COMMD1: variants seen among roughly 807,000 people sequenced by gnomAD.
COMMD1 encodes the protein copper metabolism domain containing 1.
In COMMD1, 10 loss-of-function variants were observed where a neutral mutation model predicts 17.2. That is an observed-to-expected ratio of 0.58 (90% CI 0.36 to 0.99). The LOEUF (loss-of-function observed/expected upper bound fraction) is 0.99. COMMD1 is among the 50% of genes least tolerant of loss of function. The pLI, the probability that COMMD1 is intolerant of heterozygous loss-of-function variation, is 0.01. For missense variants in COMMD1, 270 were observed against 231.8 expected (o/e 1.17, Z -1.07); for synonymous variants, 97 against 91.6 (o/e 1.06, Z -0.34).
chr2:61,921,176 G>T (rs1670183154), intron 1 of COMMD1, among the ~76,000 whole-genome samples: 1 of 151,652 alleles, frequency 6.6e-6, no homozygotes, highest in Non-Finnish European at 1.5e-5. Context: ...TACCATATTG[G>T]CCAGGCTAAT....
intron 2 of COMMD1, among the ~76,000 whole-genome samples, chr2:62,050,141 G>C (rs955539169): frequency 1.3e-5 from 2 of 152,120 alleles, no homozygotes; most frequent in South Asian, 4.2e-4. Context: ...TCTGAGGGGA[G>C]GTCTGAGAGT....
chr2:61,966,269 A>G (rs1245057389), intron 1 of COMMD1, among the ~76,000 whole-genome samples: 1 of 152,150 alleles, frequency 6.6e-6, no homozygotes, highest in East Asian at 1.9e-4. Flanking sequence ...TAAACTGGAA[A>G]TTTCCTTGCA....
chr2:61,994,788 G>C (rs1372306731), intron 1 of COMMD1, among the ~76,000 whole-genome samples: 1 of 152,130 alleles, frequency 6.6e-6, no homozygotes, highest in African/African-American at 2.4e-5. Context: ...AGAAAATGCT[G>C]TCTGTAACTC....
chr2:62,100,015 A>C (rs1447598733), intron 2 of COMMD1, among the ~76,000 whole-genome samples: 2 of 152,126 alleles, frequency 1.3e-5, no homozygotes, highest in Non-Finnish European at 2.9e-5. Flanking sequence ...ATTGAGATTA[A>C]TTTTGAGAGA....
Position 62,098,162 on chromosome 2 carries a change from C to CTTTT in COMMD1, c.463-37654_463-37651dup, listed in dbSNP as rs1212972398. Among the ~76,000 whole-genome samples, 502 of 125,776 alleles carry CTTTT rather than the reference C, an allele frequency of 4.0e-3. 8 individuals carry two copies. Among genetic ancestry groups the CTTTT allele is most frequent in the East Asian group, 0.028 (122 of 4,364 alleles). 82.5% of individuals were successfully genotyped at this position (125,776 alleles called of 152,430 possible). A position where few individuals can be genotyped will look rare whatever the true frequency, so the allele number is the denominator to read the frequency against. The stretch of plus-strand genomic sequence containing the variant: ...AGAGACTGTTTCCTTTCCTTTCTTT[C>CTTTT]TTTTTTTTTTTTTTTTTTGAGACAG... On this transcript the variant is annotated intron_variant, in intron 2 of 2. Transcript: ENST00000311832.
intron 1 of COMMD1, among the ~76,000 whole-genome samples, chr2:61,999,052 G>A (rs1668847989): frequency 6.6e-6 from 1 of 152,158 alleles, no homozygotes; most frequent in Non-Finnish European, 1.5e-5. Flanking sequence ...GTGACACAGA[G>A]ACACAAGGTG....
At chr2:61,982,550 TGTG>T (rs753607258) in intron 1 of COMMD1, among the ~76,000 whole-genome samples, 4 of 152,204 alleles carry the variant, frequency 2.6e-5, no homozygotes, top group Non-Finnish European at 4.4e-5. Flanking sequence ...TGGGCATACT[TGTG>T]GTGTTCCAGA....
intron 2 of COMMD1, among the ~76,000 whole-genome samples, chr2:62,023,728 G>A (rs888891183): frequency 3.9e-5 from 6 of 152,156 alleles, no homozygotes; most frequent in Middle Eastern, 3.4e-3. Context: ...TGGGTGTTCC[G>A]CCCGCCTTGG....
At chr2:62,079,278 A>C (rs771756901) in intron 2 of COMMD1, among the ~76,000 whole-genome samples, 2 of 152,164 alleles carry the variant, frequency 1.3e-5, no homozygotes, top group Non-Finnish European at 2.9e-5. Flanking sequence ...GAAAGCATCC[A>C]CCCTGGGTAC....
intron 2 of COMMD1, among the ~76,000 whole-genome samples, chr2:62,024,340 C>T (rs1669696571): frequency 6.6e-6 from 1 of 152,278 alleles, no homozygotes; most frequent in East Asian, 1.9e-4. Flanking sequence ...CCTCAGCCTA[C>T]TGAGTAGCTG....
intron 1 of COMMD1, among the ~76,000 whole-genome samples, chr2:61,981,624 C>A (rs375596714): frequency 6.6e-6 from 1 of 152,096 alleles, no homozygotes; most frequent in Non-Finnish European, 1.5e-5. Context: ...TACAGTTCCA[C>A]GTGGCTGGGG....
intron 1 of COMMD1, among the ~76,000 whole-genome samples, chr2:61,960,223 C>T (rs148609622): frequency 6.6e-6 from 1 of 152,324 alleles, no homozygotes; most frequent in African/African-American, 2.4e-5. Context: ...CCATTTCTCA[C>T]AATCCCTTCT....
chr2:62,001,104 C>T, intron 2 of COMMD1, 122 bp downstream of exon 2: 1 of 997,044 alleles, frequency 1.0e-6, no homozygotes, highest in East Asian at 2.6e-5. Context: ...TCCTAGAATC[C>T]TTTTTCAGAG....
intron 1 of COMMD1, among the ~76,000 whole-genome samples, chr2:61,985,207 C>T (rs1228264141): frequency 1.3e-5 from 2 of 151,992 alleles, no homozygotes; most frequent in African/African-American, 4.8e-5. Flanking sequence ...CCCACCACCA[C>T]GCCTGGCTAA....
chr2:61,905,657 CG>C (rs1478629194), upstream of COMMD1: 8 of 1,524,300 alleles, frequency 5.2e-6, no homozygotes, highest in Non-Finnish European at 7.1e-6. Flanking sequence ...TCAGCTGTTG[CG>C]GGGCGGGGCC....
intron 2 of COMMD1, among the ~76,000 whole-genome samples, chr2:62,103,166 G>A (rs2104024771): frequency 6.6e-6 from 1 of 152,102 alleles, no homozygotes; most frequent in South Asian, 2.1e-4. Context: ...TTTTAGTAGA[G>A]ACGGAGTTTC....
chr2:62,114,348 T>C (rs1326044672), intron 2 of COMMD1, among the ~76,000 whole-genome samples: 1 of 152,214 alleles, frequency 6.6e-6, no homozygotes, highest in Non-Finnish European at 1.5e-5. Flanking sequence ...GAGATTATTA[T>C]ACTAAAACAA....
At chr2:62,003,605 T>TACACACACACACACAC (rs57628894) in intron 2 of COMMD1, among the ~76,000 whole-genome samples, 2 of 146,164 alleles carry the variant, frequency 1.4e-5, no homozygotes, top group Non-Finnish European at 3.0e-5. Flanking sequence ...CAGATATTTT[T>TACACACACACACACAC]ACACACACAC....
chr2:62,114,150 G>A lies in COMMD1; in HGVS notation c.463-21681G>A, dbSNP rs376047370. Reference sequence around the variant, plus strand: ...AACAGAAAAATGATAGAATATTTGAGTAGTAACATAGAAAACCCCAAATTA... The same window carrying A: ...AACAGAAAAATGATAGAATATTTGAATAGTAACATAGAAAACCCCAAATTA... On this transcript the variant is annotated intron_variant, in intron 2 of 2. Coordinates refer to ENST00000311832, the MANE Select transcript of COMMD1 (RefSeq NM_152516.4). 1.9e-3 allele frequency among the ~76,000 whole-genome samples: 283 copies of A among 152,304 alleles called. 2 individuals are homozygous for A. Among genetic ancestry groups the A allele is most frequent in the African/African-American group, 6.5e-3 (269 of 41,576 alleles).
Sources: gnomAD v4.1 joint callset for allele counts (sites outside exome capture counted in the v4.1 genomes callset) on GRCh38, gnomAD v4.1.1 for gene constraint, MANE v1.5 for transcripts, NCBI Gene and HGNC (gene_info 2026-07-23, HGNC 2026-07-21) for gene names.